Variants in CDH12 observed in about 807,000 individuals in gnomAD.
The protein encoded by CDH12 is cadherin-12.
Under a neutral mutation model 74.1 loss-of-function variants are expected in CDH12, and 41 were observed. The observed-to-expected ratio is 0.55, with a 90% CI of 0.43 to 0.72. CDH12 has a LOEUF of 0.72. Among genes scored for constraint, CDH12 ranks in the 30% least tolerant of loss-of-function variants. CDH12 has a pLI of 0.00. For synonymous variants in CDH12, 399 were observed against 355.0 expected (o/e 1.12, Z -1.39); for missense variants, 945 against 977.2 (o/e 0.97, Z 0.44).
At chr5:22,171,654 A>C (rs1749036201) in intron 4 of CDH12, among the ~76,000 whole-genome samples, 1 of 151,970 alleles carries the variant, frequency 6.6e-6, no homozygotes, top group Non-Finnish European at 1.5e-5. Context: ...ACAGAAACAT[A>C]AATGCCTTGG....
chr5:22,804,851 C>T (rs922402428), intron 1 of CDH12, among the ~76,000 whole-genome samples: 146 of 152,118 alleles, frequency 9.6e-4, no homozygotes, highest in Non-Finnish European at 3.4e-4. Context: ...TGAAATTGTA[C>T]GTACACTACT....
chr5:22,415,189 A>C (rs1743330433), intron 2 of CDH12, among the ~76,000 whole-genome samples: 1 of 151,940 alleles, frequency 6.6e-6, no homozygotes, highest in Non-Finnish European at 1.5e-5. Flanking sequence ...CCTAAAAATA[A>C]GTAATAAAGA....
At chr5:22,244,800 G>GAAAGAAAGA (rs1554023741) in intron 3 of CDH12, among the ~76,000 whole-genome samples, 1 of 76,906 alleles carries the variant, frequency 1.3e-5, no homozygotes, top group Non-Finnish European at 3.5e-5. Context: ...AAGAAAGAAA[G>GAAAGAAAGA]AAAAATTCAA....
At chr5:22,661,155 G>T (rs1286493894) in intron 1 of CDH12, among the ~76,000 whole-genome samples, 2 of 152,116 alleles carry the variant, frequency 1.3e-5, no homozygotes, top group African/African-American at 4.8e-5. Flanking sequence ...TAATGAGATG[G>T]TACAATCAAT....
At chr5:22,838,653 G>GTGTC (rs963482028) in intron 1 of CDH12, among the ~76,000 whole-genome samples, 3 of 119,676 alleles carry the variant, frequency 2.5e-5, no homozygotes, top group African/African-American at 6.1e-5. Context: ...GAGAGTGTCT[G>GTGTC]TGTGTGTGTG....
chr5:22,003,849 G>C (rs1277190451), intron 5 of CDH12, among the ~76,000 whole-genome samples: 1 of 84,276 alleles, frequency 1.2e-5, no homozygotes, highest in African/African-American at 4.5e-5. Context: ...AAAAAAAAAA[G>C]GATTTACATT....
intron 3 of CDH12, among the ~76,000 whole-genome samples, chr5:22,303,644 C>T (rs1229774395): frequency 1.3e-5 from 2 of 152,042 alleles, no homozygotes; most frequent in African/African-American, 4.8e-5. Flanking sequence ...AACTAATATC[C>T]TCATTATCCA....
chr5:22,129,028 C>A (rs1746033777), intron 4 of CDH12, among the ~76,000 whole-genome samples: 1 of 152,066 alleles, frequency 6.6e-6, no homozygotes, highest in Non-Finnish European at 1.5e-5. Flanking sequence ...TGCTAAGTGA[C>A]AAGTGACAAA....
chr5:22,780,106 C>G (rs2126343791), intron 1 of CDH12, among the ~76,000 whole-genome samples: 1 of 152,204 alleles, frequency 6.6e-6, no homozygotes, highest in South Asian at 2.1e-4. Flanking sequence ...TGTAATCTAG[C>G]CAGGCACAGT....
chr5:22,682,179 C>T (rs1741529783), intron 1 of CDH12, among the ~76,000 whole-genome samples: 1 of 151,992 alleles, frequency 6.6e-6, no homozygotes, highest in Non-Finnish European at 1.5e-5. Flanking sequence ...AATAGGAGAA[C>T]TTAGTTCAGC....
chr5:22,750,527 T>C (rs1244013838), intron 1 of CDH12, among the ~76,000 whole-genome samples: 2 of 152,022 alleles, frequency 1.3e-5, no homozygotes, highest in African/African-American at 4.8e-5. Context: ...GGATTAAAAA[T>C]ATTACAAGGT....
chr5:22,414,356 A>C (rs1040290327), intron 2 of CDH12, among the ~76,000 whole-genome samples: 1 of 151,958 alleles, frequency 6.6e-6, no homozygotes, highest in African/African-American at 2.4e-5. Flanking sequence ...TCCCTTATTC[A>C]AACTCTTGCA....
intron 1 of CDH12, among the ~76,000 whole-genome samples, chr5:22,717,533 C>G (rs561947164): frequency 6.6e-6 from 1 of 152,144 alleles, no homozygotes; most frequent in South Asian, 2.1e-4. Context: ...TCTGTATAGG[C>G]AAGTGGAGTA....
intron 4 of CDH12, among the ~76,000 whole-genome samples, chr5:22,144,664 G>T (rs1045586159): frequency 3.3e-5 from 5 of 151,972 alleles, no homozygotes; most frequent in African/African-American, 7.2e-5. Flanking sequence ...AGATTAACTG[G>T]TAAGAATCTT....
chr5:22,686,958 A>C (rs2126937171), intron 1 of CDH12, among the ~76,000 whole-genome samples: 1 of 152,278 alleles, frequency 6.6e-6, no homozygotes, highest in East Asian at 1.9e-4. Flanking sequence ...TGAATTTCTC[A>C]CTTAGCTACC....
intron 6 of CDH12, among the ~76,000 whole-genome samples, chr5:21,901,815 C>A (rs1447099049): frequency 1.3e-5 from 2 of 152,108 alleles, no homozygotes; most frequent in Admixed American, 1.3e-4. Context: ...TGGTTTATAT[C>A]CATCATGAGG....
At chr5:22,077,075 TGTGC>T (rs901474546) in intron 5 of CDH12, among the ~76,000 whole-genome samples, 5 of 137,932 alleles carry the variant, frequency 3.6e-5, no homozygotes, top group African/African-American at 1.3e-4. Flanking sequence ...TGTGTGTGTG[TGTGC>T]GCGTGTGTAT....
At chr5:21,912,609 A>G (rs1479630045) in intron 6 of CDH12, among the ~76,000 whole-genome samples, 1 of 152,154 alleles carries the variant, frequency 6.6e-6, no homozygotes, top group East Asian at 1.9e-4. Flanking sequence ...GGGCATGTCA[A>G]TAGGAAGAAT....
intron 3 of CDH12, among the ~76,000 whole-genome samples, chr5:22,336,394 GA>G (rs1035864413): frequency 3.3e-5 from 5 of 152,192 alleles, no homozygotes; most frequent in African/African-American, 4.8e-5. Context: ...AGACAAGGGG[GA>G]AAATATCTCC....
Sources: allele counts gnomAD v4.1 joint callset (sites outside exome capture counted in the v4.1 genomes callset), GRCh38; gene constraint gnomAD v4.1.1; transcripts MANE v1.5; gene names NCBI Gene and HGNC (gene_info 2026-07-23, HGNC 2026-07-21).